STAG1: variants seen among roughly 807,000 people sequenced by gnomAD.
STAG1 encodes the protein STAG1 cohesin complex component.
Under a neutral mutation model 170.9 loss-of-function variants are expected in STAG1, and 26 were observed. The observed-to-expected ratio is 0.15, with a 90% CI of 0.11 to 0.21. The LOEUF (loss-of-function observed/expected upper bound fraction) is 0.21. STAG1 is among the 10% of genes least tolerant of loss of function. The pLI is 1.00. For missense variants in STAG1, 964 were observed against 1,509.5 expected, an observed-to-expected ratio of 0.64 and a Z score of 5.99; for synonymous variants, 514 against 497.7, an observed-to-expected ratio of 1.03 and a Z score of -0.44.
At chr3:136,490,190 A>G (rs750338590) in intron 9 of STAG1, among the ~76,000 whole-genome samples, 14 of 150,494 alleles carry the variant, frequency 9.3e-5, no homozygotes, top group Non-Finnish European at 2.1e-4. Flanking sequence ...ACAGGCACAG[A>G]CCATCACACC....
chr3:136,694,358 G>T (rs1351746060), intron 1 of STAG1, among the ~76,000 whole-genome samples: 3 of 152,102 alleles, frequency 2.0e-5, no homozygotes, highest in Admixed American at 2.0e-4. Context: ...ACTCATGCCT[G>T]TAATCTCAAC....
chr3:136,468,106 G>A (rs1387968853), intron 12 of STAG1, among the ~76,000 whole-genome samples: 1 of 151,964 alleles, frequency 6.6e-6, no homozygotes, highest in African/African-American at 2.4e-5. Context: ...ACTAGAGAAG[G>A]AAGAGCAAAC....
intron 4 of STAG1, among the ~76,000 whole-genome samples, chr3:136,573,196 A>T (rs1468494798): frequency 4.3e-4 from 26 of 60,876 alleles, no homozygotes; most frequent in Admixed American, 3.1e-3. Flanking sequence ...AAAAGGATTA[A>T]AAAAAAAAAA....
At chr3:136,545,134 C>T (rs762859275) in intron 5 of STAG1, among the ~76,000 whole-genome samples, 5 of 151,998 alleles carry the variant, frequency 3.3e-5, no homozygotes, top group Non-Finnish European at 7.4e-5. Flanking sequence ...CTGCAACCTC[C>T]GCCTCCCGGG....
intron 3 of STAG1, among the ~76,000 whole-genome samples, chr3:136,616,161 C>G (rs1939584774): frequency 1.3e-5 from 2 of 150,588 alleles, no homozygotes; most frequent in South Asian, 4.2e-4. Flanking sequence ...CCCAGCTACT[C>G]GGGAGGCTGA....
chr3:136,361,863 T>C (rs1215612176), intron 26 of STAG1, among the ~76,000 whole-genome samples: 1 of 152,030 alleles, frequency 6.6e-6, no homozygotes, highest in Non-Finnish European at 1.5e-5. Context: ...CTGCCTGCCT[T>C]GGCCTCCCAA....
At chr3:136,362,903 C>T (rs1237316986) in intron 26 of STAG1, among the ~76,000 whole-genome samples, 4 of 151,686 alleles carry the variant, frequency 2.6e-5, no homozygotes, top group African/African-American at 9.7e-5. Context: ...AAACTAAATA[C>T]AAACATATAT....
intron 24 of STAG1, 82 bp downstream of exon 24, chr3:136,369,026 A>G: frequency 7.9e-7 from 1 of 1,268,390 alleles, no homozygotes; most frequent in Non-Finnish European, 1.0e-6. Flanking sequence ...GATAATTTTT[A>G]GAACTGAATT....
intron 1 of STAG1, chr3:136,736,591 T>G (rs1934347705): frequency 5.8e-6 from 9 of 1,556,432 alleles, no homozygotes; most frequent in African/African-American, 1.4e-5. Flanking sequence ...TTTCGCCAGC[T>G]GTCCACACAA....
chr3:136,661,457 C>A (rs1329197147), intron 1 of STAG1, among the ~76,000 whole-genome samples: 3 of 152,096 alleles, frequency 2.0e-5, no homozygotes, highest in Admixed American at 6.5e-5. Flanking sequence ...CAAAGGTGCA[C>A]AACAGTTTAT....
chr3:136,671,656 G>A (rs1265600723), intron 1 of STAG1, among the ~76,000 whole-genome samples: 1 of 152,194 alleles, frequency 6.6e-6, no homozygotes. Flanking sequence ...CAGCACTGTG[G>A]GAGGTAGGTG....
At chr3:136,408,633 A>G (rs895136539) in intron 21 of STAG1, among the ~76,000 whole-genome samples, 1 of 152,178 alleles carries the variant, frequency 6.6e-6, no homozygotes, top group Non-Finnish European at 1.5e-5. Context: ...AACAATCAAG[A>G]GTCTCATGAG....
chr3:136,662,778 T>C (rs943089879), intron 1 of STAG1, among the ~76,000 whole-genome samples: 4 of 152,280 alleles, frequency 2.6e-5, no homozygotes, highest in East Asian at 1.9e-4. Flanking sequence ...CAGCTGGGCA[T>C]GGTCGCTAAC....
At chr3:136,431,516 T>A (rs925833437) in intron 16 of STAG1, among the ~76,000 whole-genome samples, 1 of 152,148 alleles carries the variant, frequency 6.6e-6, no homozygotes, top group Admixed American at 6.6e-5. Flanking sequence ...GTGATCCACC[T>A]GCCTCAGCCT....
chr3:136,433,848 G>C (rs1466052955), intron 15 of STAG1, among the ~76,000 whole-genome samples, 189 bp from the exon 16 acceptor site: 1 of 151,576 alleles, frequency 6.6e-6, no homozygotes, highest in Non-Finnish European at 1.5e-5. Context: ...AGTCAAATAG[G>C]AAAGAGATAC....
At chr3:136,680,598 AT>A (rs955501284) in intron 1 of STAG1, among the ~76,000 whole-genome samples, 1 of 151,984 alleles carries the variant, frequency 6.6e-6, no homozygotes. Context: ...TGAGTGATAA[AT>A]CCTCATTTAT....
At chr3:136,424,134 T>C (rs1434346577) in intron 16 of STAG1, among the ~76,000 whole-genome samples, 1 of 152,060 alleles carries the variant, frequency 6.6e-6, no homozygotes, top group Non-Finnish European at 1.5e-5. Context: ...GTTCAATCTT[T>C]TAAGCATATA....
At chr3:136,542,964 T>C (rs1053061573) in intron 5 of STAG1, among the ~76,000 whole-genome samples, 3 of 152,164 alleles carry the variant, frequency 2.0e-5, no homozygotes, top group East Asian at 1.9e-4. Context: ...CTACTCTTTA[T>C]TGACTCTCAA....
In STAG1 at chr3:136,509,811, A is replaced by G. The variant is rs182236569; in HGVS notation, c.677-7032T>C. Among the ~76,000 whole-genome samples the G allele has an allele frequency of 1.8e-4, 28 of 152,356 alleles. No individual in the cohort carries two copies. In the East Asian group the frequency reaches 5.2e-3, roughly 28 times the overall value. ...TTTGCATTTCTGTCTTGCTAAACAT[A>G]AAACTGAAAAGTAAAAAACTGCATT... On this transcript the variant is annotated intron_variant, in intron 7 of 33. Coordinates refer to ENST00000383202, the MANE Select transcript of STAG1 (RefSeq NM_005862.3).
Sources: gnomAD v4.1 joint callset for allele counts (sites outside exome capture counted in the v4.1 genomes callset) on GRCh38, gnomAD v4.1.1 for gene constraint, MANE v1.5 for transcripts, NCBI Gene and HGNC (gene_info 2026-07-23, HGNC 2026-07-21) for gene names.